The following RAP1GDS1 variants were observed in gnomAD, a reference collection of about 807,000 sequenced individuals.
The protein encoded by RAP1GDS1 is RAP1, GTP-GDP dissociation stimulator 1.
RAP1GDS1 carries 35 observed loss-of-function variants against 71.1 expected under a neutral mutation model. That is an observed-to-expected ratio of 0.49 (90% CI 0.38 to 0.65). The LOEUF (loss-of-function observed/expected upper bound fraction) is 0.65. Ranked by LOEUF, RAP1GDS1 falls within the 30% of genes least tolerant of loss-of-function variation. RAP1GDS1 has a pLI of 0.00. For synonymous variants in RAP1GDS1, 229 were observed against 243.1 expected, an observed-to-expected ratio of 0.94 and a Z score of 0.54; for missense variants, 663 against 706.1, an observed-to-expected ratio of 0.94 and a Z score of 0.69.
intron 2 of RAP1GDS1, among the ~76,000 whole-genome samples, chr4:98,324,366 A>G (rs1391225647): frequency 5.9e-5 from 9 of 152,332 alleles, no homozygotes; most frequent in African/African-American, 1.7e-4. Flanking sequence ...TACAGATTCA[A>G]TGGCATCCCC....
intron 5 of RAP1GDS1, among the ~76,000 whole-genome samples, chr4:98,383,599 G>A (rs375450862): frequency 1.3e-5 from 2 of 151,428 alleles, no homozygotes; most frequent in African/African-American, 4.8e-5. Flanking sequence ...TTGAAGGGAG[G>A]CCATGTATGT....
At chr4:98,371,563 A>G (rs991773712) in intron 4 of RAP1GDS1, among the ~76,000 whole-genome samples, 1 of 151,196 alleles carries the variant, frequency 6.6e-6, no homozygotes, top group Non-Finnish European at 1.5e-5. Flanking sequence ...TGCAACCTCT[A>G]CCTCCCAGGT....
At position 98,308,287 on chromosome 4, in the gene RAP1GDS1, C is replaced by T. The variant is rs1257098141; in HGVS notation, c.112+14772C>T. Among the ~76,000 whole-genome samples, 25 of 105,594 alleles carry T rather than the reference C, an allele frequency of 2.4e-4. 1 individual carries two copies. The East Asian group carries it at 7.2e-3, about 30-fold the overall frequency. The allele number at this position is 105,594 out of a possible 152,430, so 69.3% of individuals were successfully genotyped here. On this transcript the variant is annotated intron_variant, in intron 2 of 14. Transcript: ENST00000408927. Reference sequence around the variant, plus strand: ...ACACACACCCACACACATATATATACACACACACACTATATATATATATAT... The same window carrying T: ...ACACACACCCACACACATATATATATACACACACACTATATATATATATAT...
At chr4:98,425,395 T>C (rs1248363563) in intron 12 of RAP1GDS1, among the ~76,000 whole-genome samples, 2 of 152,082 alleles carry the variant, frequency 1.3e-5, no homozygotes, top group Non-Finnish European at 2.9e-5. Flanking sequence ...ATCTCAATAC[T>C]AAGATTGAAT....
chr4:98,293,942 A>T (rs1358187089), intron 2 of RAP1GDS1, among the ~76,000 whole-genome samples: 4 of 152,128 alleles, frequency 2.6e-5, no homozygotes, highest in African/African-American at 9.6e-5. Flanking sequence ...TTGGAATCTT[A>T]TCATATTTTA....
At chr4:98,359,873 G>T (rs1455862953) in intron 4 of RAP1GDS1, among the ~76,000 whole-genome samples, 1 of 152,178 alleles carries the variant, frequency 6.6e-6, no homozygotes, top group African/African-American at 2.4e-5. Flanking sequence ...GACTGCGGCA[G>T]AGAGAACGAA....
chr4:98,347,365 G>T (rs891203537), intron 3 of RAP1GDS1, among the ~76,000 whole-genome samples: 1 of 152,018 alleles, frequency 6.6e-6, no homozygotes, highest in East Asian at 1.9e-4. Context: ...AAAAATAATC[G>T]ACAATTATTT....
chr4:98,417,241 T>C (rs1748166286), intron 8 of RAP1GDS1, 126 bp from the exon 9 acceptor site: 6 of 968,782 alleles, frequency 6.2e-6, no homozygotes, highest in Non-Finnish European at 9.1e-6. Flanking sequence ...GAATCATTAC[T>C]TTTCCCATTA....
chr4:98,391,931 G>GTT (rs749216891), intron 5 of RAP1GDS1, 21 bp from the exon 6 acceptor site: 171 of 1,339,306 alleles, frequency 1.3e-4, no homozygotes, highest in South Asian at 3.8e-4. Context: ...TTCTGTTGTT[G>GTT]TTTTTTTTTT....
intron 4 of RAP1GDS1, among the ~76,000 whole-genome samples, chr4:98,354,654 A>G (rs1737688588): frequency 6.6e-6 from 1 of 152,114 alleles, no homozygotes; most frequent in African/African-American, 2.4e-5. Flanking sequence ...TATCATATCT[A>G]TTTATCTTAT....
At chr4:98,312,190 A>T (rs74487027) in intron 2 of RAP1GDS1, among the ~76,000 whole-genome samples, 2 of 152,192 alleles carry the variant, frequency 1.3e-5, no homozygotes. Context: ...TAATAGTATC[A>T]TCTAATTTTG....
At chr4:98,369,789 G>A (rs1471041662) in intron 4 of RAP1GDS1, among the ~76,000 whole-genome samples, 3 of 152,142 alleles carry the variant, frequency 2.0e-5, no homozygotes, top group African/African-American at 7.2e-5. Context: ...GGTATGTAGA[G>A]CTGTCAGCAC....
intron 7 of RAP1GDS1, among the ~76,000 whole-genome samples, chr4:98,413,290 T>C (rs920877101): frequency 6.6e-6 from 1 of 151,968 alleles, no homozygotes; most frequent in Non-Finnish European, 1.5e-5. Context: ...TACATATGTA[T>C]ACATGTGCCA....
intron 4 of RAP1GDS1, among the ~76,000 whole-genome samples, chr4:98,367,586 G>A (rs537338753): frequency 4.6e-5 from 7 of 152,342 alleles, no homozygotes; most frequent in African/African-American, 1.7e-4. Flanking sequence ...AAGTAACCAG[G>A]ATGGGGGCTA....
At chr4:98,330,914 G>A (rs1733906383) in intron 2 of RAP1GDS1, among the ~76,000 whole-genome samples, 1 of 152,226 alleles carries the variant, frequency 6.6e-6, no homozygotes, top group South Asian at 2.1e-4. Context: ...GGCAGAGGCT[G>A]CAATCTCAGC....
chr4:98,309,727 G>A (rs1363016759), intron 2 of RAP1GDS1, among the ~76,000 whole-genome samples: 1 of 151,774 alleles, frequency 6.6e-6, no homozygotes, highest in Non-Finnish European at 1.5e-5. Context: ...TTTTCTATTT[G>A]CTATACAAGA....
At chr4:98,306,386 G>A (rs895280721) in intron 2 of RAP1GDS1, among the ~76,000 whole-genome samples, 2 of 152,152 alleles carry the variant, frequency 1.3e-5, no homozygotes, top group African/African-American at 4.8e-5. Flanking sequence ...AAGGTGGAAG[G>A]GAAGGAGAGC....
At chr4:98,316,323 A>G (rs1034588243) in intron 2 of RAP1GDS1, among the ~76,000 whole-genome samples, 1 of 152,196 alleles carries the variant, frequency 6.6e-6, no homozygotes, top group African/African-American at 2.4e-5. Context: ...TAATAAGTAT[A>G]AAAGACATGG....
At chr4:98,310,317 G>A (rs1274764385) in intron 2 of RAP1GDS1, among the ~76,000 whole-genome samples, 1 of 152,064 alleles carries the variant, frequency 6.6e-6, no homozygotes, top group Non-Finnish European at 1.5e-5. Context: ...ATCATAATAA[G>A]TGCTATCATA....
Sources: allele counts gnomAD v4.1 joint callset (sites outside exome capture counted in the v4.1 genomes callset), GRCh38; gene constraint gnomAD v4.1.1; transcripts MANE v1.5; gene names NCBI Gene and HGNC (gene_info 2026-07-23, HGNC 2026-07-21).